Variants in PRKAG2 observed in about 807,000 individuals in gnomAD.
The protein encoded by PRKAG2 is protein kinase AMP-activated non-catalytic subunit gamma 2.
Under a neutral mutation model 69.6 loss-of-function variants are expected in PRKAG2, and 26 were observed. That is an observed-to-expected ratio of 0.37 (90% CI 0.27 to 0.52). The LOEUF (loss-of-function observed/expected upper bound fraction) is 0.52, where lower values mean the gene tolerates loss of function less well. Among genes scored for constraint, PRKAG2 ranks in the 20% least tolerant of loss-of-function variants. The pLI, the probability that PRKAG2 is intolerant of heterozygous loss-of-function variation, is 0.90. For synonymous variants in PRKAG2, 293 were observed against 285.0 expected (o/e 1.03, Z -0.28); for missense variants, 557 against 740.0 (o/e 0.75, Z 2.87).
chr7:151,640,153 A>C (rs1380156974), intron 4 of PRKAG2, among the ~76,000 whole-genome samples: 1 of 152,066 alleles, frequency 6.6e-6, no homozygotes, highest in Non-Finnish European at 1.5e-5. Context: ...TCTATGAAAA[A>C]AACAAAAATT....
At chr7:151,799,663 T>C (rs945534693) in intron 1 of PRKAG2, among the ~76,000 whole-genome samples, 4 of 152,320 alleles carry the variant, frequency 2.6e-5, no homozygotes, top group South Asian at 4.1e-4. Context: ...TCCTCCAGAC[T>C]GACGGGCGCG....
At chr7:151,678,832 G>A (rs931537555) in intron 3 of PRKAG2, among the ~76,000 whole-genome samples, 35 of 152,180 alleles carry the variant, frequency 2.3e-4, no homozygotes, top group Non-Finnish European at 4.0e-4. Flanking sequence ...AGTGGCGCGC[G>A]CCTGTAGTCC....
chr7:151,825,647 A>G (rs2078889773), intron 1 of PRKAG2, among the ~76,000 whole-genome samples: 1 of 152,160 alleles, frequency 6.6e-6, no homozygotes, highest in African/African-American at 2.4e-5. Context: ...TTCCCCTTTC[A>G]TGTTAAAACA....
At chr7:151,804,476 T>C (rs898559725) in intron 1 of PRKAG2, among the ~76,000 whole-genome samples, 1 of 152,122 alleles carries the variant, frequency 6.6e-6, no homozygotes, top group Non-Finnish European at 1.5e-5. Flanking sequence ...ACCACCCCCA[T>C]GATTGAATTA....
chr7:151,870,162 C>T (rs201078118), intron 1 of PRKAG2, among the ~76,000 whole-genome samples: 54,995 of 108,520 alleles, frequency 0.51, 12,286 homozygotes, highest in East Asian at 0.62. Context: ...GATAGGCAGG[C>T]AGGCAGGCAG....
intron 3 of PRKAG2, among the ~76,000 whole-genome samples, chr7:151,743,890 A>G (rs769976017): frequency 6.6e-6 from 1 of 152,170 alleles, no homozygotes; most frequent in Non-Finnish European, 1.5e-5. Flanking sequence ...GCGGGAGGCC[A>G]TGGCACTAGG....
chr7:151,662,541 CT>C (rs1231895156), intron 4 of PRKAG2, among the ~76,000 whole-genome samples: 1 of 152,184 alleles, frequency 6.6e-6, no homozygotes, highest in Non-Finnish European at 1.5e-5. Context: ...TACTGCAGCA[CT>C]TTACTGGTTT....
At chr7:151,738,449 C>T (rs2073621950) in intron 3 of PRKAG2, among the ~76,000 whole-genome samples, 1 of 152,278 alleles carries the variant, frequency 6.6e-6, no homozygotes, top group Admixed American at 6.5e-5. Context: ...TGGCCATAAA[C>T]AAAATCTCTG....
At chr7:151,624,530 G>A (rs1822388052) in intron 5 of PRKAG2, among the ~76,000 whole-genome samples, 1 of 151,990 alleles carries the variant, frequency 6.6e-6, no homozygotes, top group Non-Finnish European at 1.5e-5. Context: ...CCCCAAAATC[G>A]CTCTTCCCTT....
intron 1 of PRKAG2, among the ~76,000 whole-genome samples, chr7:151,794,203 C>G (rs572892128): frequency 2.0e-5 from 3 of 152,198 alleles, no homozygotes; most frequent in African/African-American, 7.2e-5. Flanking sequence ...CACCGTATTC[C>G]CAGTTCCTCG....
At chr7:151,652,914 C>T (rs754150958) in intron 4 of PRKAG2, among the ~76,000 whole-genome samples, 28 of 152,136 alleles carry the variant, frequency 1.8e-4, no homozygotes, top group Non-Finnish European at 1.6e-4. Flanking sequence ...CCACCACACC[C>T]GGCTTGTTTG....
At chr7:151,622,529 A>G (rs1281450327) in intron 5 of PRKAG2, among the ~76,000 whole-genome samples, 2 of 152,246 alleles carry the variant, frequency 1.3e-5, no homozygotes, top group African/African-American at 4.8e-5. Flanking sequence ...GGACTACTCA[A>G]GGTACTCCCA....
chr7:151,675,242 G>A, intron 4 of PRKAG2, 178 bp downstream of exon 4: 1 of 729,288 alleles, frequency 1.4e-6, no homozygotes, highest in South Asian at 1.5e-5. Context: ...ATTTCCATTT[G>A]CTATTGTGCC....
chr7:151,857,369 C>T (rs1586733860), intron 1 of PRKAG2, among the ~76,000 whole-genome samples: 1 of 125,706 alleles, frequency 8.0e-6, no homozygotes, highest in African/African-American at 3.0e-5. Flanking sequence ...GGGCTGTGCC[C>T]AAGGTGGACC....
In PRKAG2 at chr7:151,630,231, GA is replaced by G. The variant is rs199672944; in HGVS notation, c.754+1837del. Among the ~76,000 whole-genome samples the G allele has an allele frequency of 6.4e-3, 969 of 151,088 alleles. 11 individuals are homozygous for G. The highest frequency in any genetic ancestry group is 0.031 in the Middle Eastern group (9 of 294). On this transcript the variant is annotated intron_variant, in intron 5 of 15. Coordinates refer to ENST00000287878, the MANE Select transcript of PRKAG2 (RefSeq NM_016203.4). ...ATTACATTGGCAGACACAATGAAAA[GA>G]AAAAAAAGAGTGTATATCTGCTTAG...
At chr7:151,651,453 A>G (rs899992572) in intron 4 of PRKAG2, among the ~76,000 whole-genome samples, 2 of 152,142 alleles carry the variant, frequency 1.3e-5, no homozygotes, top group Admixed American at 1.3e-4. Flanking sequence ...CTAAAAATAC[A>G]AAAATTAGCT....
At position 151,870,146 on chromosome 7, in the gene PRKAG2, TAGATAGATAGGCAGGC is replaced by T. The variant is rs1480360777; in HGVS notation, c.114+6345_114+6360del. Among the ~76,000 whole-genome samples, 60 of 132,448 alleles carry T rather than the reference TAGATAGATAGGCAGGC, an allele frequency of 4.5e-4. No individual in the cohort carries two copies. The East Asian group carries it at 7.2e-3, about 16-fold the overall frequency. 86.9% of individuals were successfully genotyped at this position (132,448 alleles called of 152,430 possible). On this transcript the variant is annotated intron_variant, in intron 1 of 15. Transcript: ENST00000287878. ...ATAGATAGATAGATAGATAGATAGA[TAGATAGATAGGCAGGC>T]AGGCAGGCAGGCAGGCAGGCAGGCA...
In PRKAG2 at chr7:151,632,072, C is replaced by A. The variant is rs796699703; in HGVS notation, c.751G>T (p.Glu251Ter). ...GCAGCGGGCGGGGCGCACTCACCTT[C>A]GTCCTCGAACTCCAGCTTCTCCAGC... is the stretch of plus-strand genomic sequence containing the variant. The part of the protein sequence containing the change: ...GMLEKLEFED[E>*]AVEDSESGVY... The change falls in exon 5 of 16, where the codon GAA becomes TAA. Residue 251 changes from glutamate to a stop codon, truncating the protein, a stop_gained. Transcript: ENST00000287878. LOFTEE classifies it high-confidence loss of function. This position sits in a 1 kb window ranked among gnomAD's most constrained non-coding sequence, Gnocchi z 4.2. 1 of 1,401,906 alleles carries A rather than the reference C, an allele frequency of 7.1e-7. No homozygotes were observed. The highest frequency in any genetic ancestry group is 9.4e-7 in the Non-Finnish European group (1 of 1,063,770). 86.8% of individuals were successfully genotyped at this position (1,401,906 alleles called of 1,614,324 possible).
At chr7:151,811,426 G>A (rs1415094671) in intron 1 of PRKAG2, among the ~76,000 whole-genome samples, 4 of 152,240 alleles carry the variant, frequency 2.6e-5, no homozygotes, top group South Asian at 4.1e-4. Context: ...AGGCCTCTGG[G>A]GTGAAGAAGG....
Sources: gnomAD v4.1 joint callset for allele counts (sites outside exome capture counted in the v4.1 genomes callset) on GRCh38, gnomAD v4.1.1 for gene constraint, Gnocchi (gnomAD v3.1) non-coding constraint, MANE v1.5 for transcripts, NCBI Gene and HGNC (gene_info 2026-07-23, HGNC 2026-07-21) for gene names.